Variants in NTN4 observed in about 807,000 individuals in gnomAD.
NTN4 encodes netrin-4.
In NTN4, 32 loss-of-function variants were observed where a neutral mutation model predicts 73.6. The ratio of observed to expected loss-of-function variants is 0.44; its 90% CI spans 0.33 to 0.58. NTN4 has a LOEUF of 0.58. Ranked by LOEUF, NTN4 falls within the 20% of genes least tolerant of loss-of-function variation. The pLI is 0.04. For synonymous variants in NTN4, 258 were observed against 287.5 expected (o/e 0.90, Z 1.04); for missense variants, 654 against 798.3 (o/e 0.82, Z 2.18).
chr12:95,662,235 CTTTTT>C (rs71087990), intron 9 of NTN4, among the ~76,000 whole-genome samples: 2 of 118,388 alleles, frequency 1.7e-5, no homozygotes, highest in Non-Finnish European at 3.3e-5. Flanking sequence ...CTTTTTCTTT[CTTTTT>C]TTTTTTTTTT....
chr12:95,715,052 G>T (rs889038216), intron 3 of NTN4, among the ~76,000 whole-genome samples: 2 of 152,016 alleles, frequency 1.3e-5, no homozygotes, highest in Non-Finnish European at 2.9e-5. Flanking sequence ...TCCTACCACT[G>T]GTGGTCGCAC....
chr12:95,686,331 T>A (rs1013040233), intron 5 of NTN4, among the ~76,000 whole-genome samples: 3 of 152,048 alleles, frequency 2.0e-5, no homozygotes, highest in African/African-American at 7.2e-5. Flanking sequence ...GAGGTATACA[T>A]AAAGCACTGT....
rs375698102 is a variant in NTN4, at chr12:95,737,909, A to G, written c.821T>C (p.Val274Ala). The change falls in exon 3 of 10, where the codon GTT becomes GCT. Residue 274 changes from valine (V) to alanine (A), a missense_variant. Coordinates refer to ENST00000343702, the MANE Select transcript of NTN4 (RefSeq NM_021229.4). Reference sequence around the variant, plus strand: ...GGCCTTGACAGGTCTGAAGCCATGAACAGGTATGCATTGATCAGCGTGGCC... The same window carrying G: ...GGCCTTGACAGGTCTGAAGCCATGAGCAGGTATGCATTGATCAGCGTGGCC... ...CNGHADQCIP[V>A]HGFRPVKAPG... 6 of 1,613,942 alleles carry G rather than the reference A, an allele frequency of 3.7e-6. No individual in the cohort carries two copies. In the African/African-American group the frequency reaches 6.7e-5, roughly 18 times the overall value.
At chr12:95,729,870 C>G (rs1014053099) in intron 3 of NTN4, among the ~76,000 whole-genome samples, 1 of 152,158 alleles carries the variant, frequency 6.6e-6, no homozygotes, top group Non-Finnish European at 1.5e-5. Flanking sequence ...AGATATCTAT[C>G]AGTAACCTCA....
At chr12:95,683,951 G>A (rs934243648) in intron 5 of NTN4, among the ~76,000 whole-genome samples, 1 of 152,180 alleles carries the variant, frequency 6.6e-6, no homozygotes, top group African/African-American at 2.4e-5. Flanking sequence ...AATATGGAAG[G>A]CATGAAATAT....
intron 2 of NTN4, among the ~76,000 whole-genome samples, chr12:95,783,109 C>T (rs1323097009): frequency 6.6e-6 from 1 of 152,226 alleles, no homozygotes; most frequent in Non-Finnish European, 1.5e-5. Context: ...TCCCAATGGA[C>T]AGAGTCCTGA....
At chr12:95,756,432 T>C (rs2078947593) in intron 2 of NTN4, among the ~76,000 whole-genome samples, 1 of 152,174 alleles carries the variant, frequency 6.6e-6, no homozygotes, top group South Asian at 2.1e-4. Flanking sequence ...TAAGATTGAT[T>C]GGTGTGTCGC....
chr12:95,766,866 T>C (rs2079024571), intron 2 of NTN4, among the ~76,000 whole-genome samples: 1 of 152,066 alleles, frequency 6.6e-6, no homozygotes, highest in South Asian at 2.1e-4. Flanking sequence ...CTCAGTCAAT[T>C]AAAACCTTCA....
Position 95,691,597 on chromosome 12 carries a change from G to A in NTN4, c.1181-7886C>T, listed in dbSNP as rs189671631. 1.4e-4 allele frequency among the ~76,000 whole-genome samples: 21 copies of A among 152,184 alleles called. No individual in the cohort carries two copies. The Middle Eastern group carries it at 0.014, about 99-fold the overall frequency. On this transcript the variant is annotated intron_variant, in intron 5 of 9. Transcript: ENST00000343702. Reference sequence around the variant, plus strand: ...TTTTAGTAGAGACGGGGTTTTGCCAGTTGGTCAGGCTGGTCTTGACCTCCT... The same window carrying A: ...TTTTAGTAGAGACGGGGTTTTGCCAATTGGTCAGGCTGGTCTTGACCTCCT...
At chr12:95,708,214 GTTA>G (rs2078534536) in intron 5 of NTN4, among the ~76,000 whole-genome samples, 1 of 151,456 alleles carries the variant, frequency 6.6e-6, no homozygotes, top group African/African-American at 2.4e-5. Flanking sequence ...GGACATGACA[GTTA>G]TTATAATACT....
intron 9 of NTN4, among the ~76,000 whole-genome samples, chr12:95,659,954 A>C (rs941973386): frequency 3.3e-5 from 5 of 152,030 alleles, no homozygotes; most frequent in African/African-American, 7.2e-5. Flanking sequence ...AGATCAGTAC[A>C]TCTTGGATAC....
chr12:95,757,566 G>A (rs775640815), intron 2 of NTN4, among the ~76,000 whole-genome samples: 3 of 152,074 alleles, frequency 2.0e-5, no homozygotes, highest in Non-Finnish European at 2.9e-5. Flanking sequence ...TGGGGAGCAG[G>A]GGAAGAACAG....
intron 2 of NTN4, among the ~76,000 whole-genome samples, chr12:95,757,925 G>A (rs11108236): frequency 0.028 from 4,251 of 152,268 alleles, 206 homozygotes; most frequent in African/African-American, 0.096. Flanking sequence ...GAAAGAGCAT[G>A]AGACAAGTAA....
chr12:95,784,389 C>T (rs757694900), intron 2 of NTN4, among the ~76,000 whole-genome samples: 26 of 152,168 alleles, frequency 1.7e-4, no homozygotes, highest in Admixed American at 4.6e-4. Context: ...AGAAGAAATT[C>T]TATAATGACT....
chr12:95,699,477 G>A (rs1023128956), intron 5 of NTN4, among the ~76,000 whole-genome samples: 1 of 152,134 alleles, frequency 6.6e-6, no homozygotes, highest in Non-Finnish European at 1.5e-5. Context: ...AGTGCAAACG[G>A]AAATGCAGAG....
chr12:95,666,024 T>C (rs758767558), intron 8 of NTN4, 44 bp from the exon 9 acceptor site: 3 of 1,377,920 alleles, frequency 2.2e-6, no homozygotes, highest in Non-Finnish European at 3.0e-6. Context: ...CATATTATCA[T>C]TTGAAGTTTG....
At chr12:95,782,235 T>C (rs1258302961) in intron 2 of NTN4, among the ~76,000 whole-genome samples, 2 of 152,152 alleles carry the variant, frequency 1.3e-5, no homozygotes, top group East Asian at 3.8e-4. Context: ...TGCTAAATGC[T>C]AGGGACATAC....
chr12:95,782,572 G>A lies in NTN4; in HGVS notation c.585+4367C>T, dbSNP rs192464326. On this transcript the variant is annotated intron_variant, in intron 2 of 9. Transcript: ENST00000343702. ...CTCCCAAAGTGCTGGGATTACAGGC[G>A]TGAGCCACTGTACCCAGCCTAATAA... Among the ~76,000 whole-genome samples the A allele has an allele frequency of 4.1e-3, 627 of 152,260 alleles. 6 individuals are homozygous for A. The highest frequency in any genetic ancestry group is 0.01 in the Middle Eastern group (3 of 294).
intron 2 of NTN4, among the ~76,000 whole-genome samples, chr12:95,780,773 C>T (rs936102147): frequency 1.3e-5 from 2 of 152,192 alleles, no homozygotes; most frequent in African/African-American, 4.8e-5. Flanking sequence ...ACTAGAAATA[C>T]CATTTGACCC....
Sources: gnomAD v4.1 joint callset for allele counts (sites outside exome capture counted in the v4.1 genomes callset) on GRCh38, gnomAD v4.1.1 for gene constraint, MANE v1.5 for transcripts, NCBI Gene and HGNC (gene_info 2026-07-23, HGNC 2026-07-21) for gene names.